The following FAM98B variants were observed in gnomAD, a reference collection of about 807,000 sequenced individuals.
FAM98B encodes the protein tRNA-splicing ligase complex subunit FAM98B.
A neutral mutation model predicts 43.9 loss-of-function variants in FAM98B; 32 were observed. The observed-to-expected ratio is 0.73, with a 90% CI of 0.55 to 0.98. The LOEUF is 0.98. Ranked by LOEUF, FAM98B falls within the 50% of genes least tolerant of loss-of-function variation. The probability of loss-of-function intolerance (pLI) is 0.00; values close to 1 mark genes in which losing one functional copy is unlikely to be tolerated. For missense variants in FAM98B, 514 were observed against 522.9 expected (o/e 0.98, Z 0.17); for synonymous variants, 190 against 174.0 (o/e 1.09, Z -0.72).
intron 1 of FAM98B, among the ~76,000 whole-genome samples, chr15:38,455,402 C>A (rs1301461141): frequency 6.6e-6 from 1 of 152,190 alleles, no homozygotes; most frequent in Non-Finnish European, 1.5e-5. Context: ...AATCCCACAC[C>A]CCACTTTATC....
Position 38,481,356 on chromosome 15 carries a change from C to T in FAM98B, c.794C>T (p.Thr265Met), listed in dbSNP as rs1890282908. ...CGTTATGCTTTGTCACCCAAGACAA[C>T]GATTACAATGGCACATCTACTTGCT... ...PKRYALSPKT[T>M]ITMAHLLAAR... Residue 265 changes from threonine (T) to methionine (M), a missense_variant, in exon 7 of 8, where the codon ACG (threonine) becomes ATG (methionine). Physicochemically the swap from Thr to Met is moderately conservative, Grantham distance 81. Around this residue, in one of 2 missense-constraint regions of FAM98B, gnomAD observed 469 missense variants for 451.8 expected, o/e 1.04. Transcript: ENST00000397609. The T allele has an allele frequency of 1.9e-6, 3 of 1,614,114 alleles. No homozygotes were observed. The highest frequency in any genetic ancestry group is 2.5e-6 in the Non-Finnish European group (3 of 1,180,014).
At chr15:38,483,327 A>G (rs1245746130) in intron 7 of FAM98B, 2 of 152,218 alleles carry the variant, frequency 1.3e-5, no homozygotes, top group South Asian at 2.1e-4. Context: ...TGAGAAAAAA[A>G]TTAAGCCTTT....
At chr15:38,469,586 C>T (rs67847582) in intron 3 of FAM98B, among the ~76,000 whole-genome samples, 30,292 of 152,000 alleles carry the variant, frequency 0.2, 3,286 homozygotes, top group Non-Finnish European at 0.24. Context: ...TTGTTCACAC[C>T]GTTCCTGGCT....
At chr15:38,465,466 G>T in intron 3 of FAM98B, 63 bp downstream of exon 3, 1 of 1,429,002 alleles carries the variant, frequency 7.0e-7, no homozygotes, top group South Asian at 1.5e-5. Context: ...TTCAAGTCAA[G>T]ATTTATTAAT....
chr15:38,474,061 A>T, intron 5 of FAM98B, 121 bp from the exon 6 acceptor site: 1 of 644,216 alleles, frequency 1.6e-6, no homozygotes. Flanking sequence ...ATGGGAACAG[A>T]AAATGGTCAG....
intron 2 of FAM98B, among the ~76,000 whole-genome samples, chr15:38,464,926 A>G (rs1890006158): frequency 1.3e-5 from 2 of 152,168 alleles, no homozygotes; most frequent in Admixed American, 1.3e-4. Context: ...ACTTGACGCA[A>G]AGTAAACTAA....
chr15:38,484,294 A>G lies in FAM98B; in HGVS notation c.937A>G (p.Asn313Asp), dbSNP rs544203250. The change falls in exon 8 of 8, where the codon AAT (asparagine) becomes GAT (aspartate). Residue 313 changes from asparagine (N) to aspartate (D), a missense_variant. By Grantham distance (23) the Asn-to-Asp change is conservative. Transcript: ENST00000397609. ...GGTGCCTGACAGGGGAGGCCGGCCG[A>G]ATGAAATTGAACCACCACCTCCAGA... ...GRVPDRGGRP[N>D]EIEPPPPEMP... The G allele has an allele frequency of 5.9e-5, 92 of 1,549,236 alleles. No individual in the cohort carries two copies. The African/African-American group carries it at 1.1e-3, about 19-fold the overall frequency.
chr15:38,479,132 A>T (rs943195915), intron 6 of FAM98B, among the ~76,000 whole-genome samples: 3 of 151,834 alleles, frequency 2.0e-5, no homozygotes, highest in Admixed American at 2.0e-4. Context: ...CTAATTAAAA[A>T]TTTTGTTTTA....
At position 38,487,255 on chromosome 15, in the gene FAM98B, A is replaced by T. The variant is rs1191258439; in HGVS notation, c.*2596A>T. On this transcript the variant is annotated 3_prime_UTR_variant, in exon 8 of 8. Transcript: ENST00000397609. ...TCAGGGAAACCTTGCCTCATTAAACAGAAAAAGGAAAACATTTTAAATAAA... is the reference window on the plus strand; with the variant it reads ...TCAGGGAAACCTTGCCTCATTAAACTGAAAAAGGAAAACATTTTAAATAAA... 2 of 152,184 alleles carry T rather than the reference A, an allele frequency of 1.3e-5. No homozygotes were observed. Among genetic ancestry groups the T allele is most frequent in the Non-Finnish European group, 2.9e-5 (2 of 67,992 alleles). The allele number at this position is 152,184 out of a possible 1,614,324, so 9.4% of individuals were successfully genotyped here. A position where few individuals can be genotyped will look rare whatever the true frequency, so the allele number is the denominator to read the frequency against.
intron 2 of FAM98B, 123 bp downstream of exon 2, chr15:38,464,300 T>A: frequency 1.1e-6 from 1 of 896,298 alleles, no homozygotes. Context: ...AGAATTTCAG[T>A]ATGTGGTAGT....
intron 6 of FAM98B, among the ~76,000 whole-genome samples, chr15:38,475,110 A>G (rs987429688): frequency 1.3e-5 from 2 of 151,464 alleles, no homozygotes; most frequent in African/African-American, 4.8e-5. Context: ...CTTCTGCCCC[A>G]TGCTGGATCA....
At chr15:38,478,925 C>G (rs751658983) in intron 6 of FAM98B, among the ~76,000 whole-genome samples, 3 of 152,032 alleles carry the variant, frequency 2.0e-5, no homozygotes, top group African/African-American at 7.2e-5. Flanking sequence ...AAAATTAACT[C>G]TTAATTTTTT....
intron 3 of FAM98B, 123 bp from the exon 4 acceptor site, chr15:38,470,104 G>T: frequency 2.5e-6 from 2 of 809,682 alleles, no homozygotes; most frequent in Non-Finnish European, 1.8e-6. Flanking sequence ...GTTGTTCTTT[G>T]GGTCTTTGTA....
At chr15:38,470,089 C>A in intron 3 of FAM98B, 138 bp from the exon 4 acceptor site, 1 of 716,530 alleles carries the variant, frequency 1.4e-6, no homozygotes, top group Non-Finnish European at 2.2e-6. Flanking sequence ...CAGTGTTCTA[C>A]AACTGTTGTT....
intron 1 of FAM98B, chr15:38,459,061 C>T: frequency 2.9e-6 from 1 of 340,740 alleles, no homozygotes; most frequent in Admixed American, 3.6e-5. Context: ...GCATACTTGG[C>T]CAGGTTGGCA....
At chr15:38,472,765 G>T (rs1403941291) in intron 4 of FAM98B, among the ~76,000 whole-genome samples, 1 of 151,888 alleles carries the variant, frequency 6.6e-6, no homozygotes, top group Non-Finnish European at 1.5e-5. Context: ...AATCTGAACT[G>T]CCCTTGGTTG....
intron 3 of FAM98B, among the ~76,000 whole-genome samples, chr15:38,465,810 A>G (rs920557578): frequency 5.3e-5 from 8 of 152,150 alleles, no homozygotes; most frequent in African/African-American, 1.9e-4. Context: ...TGCTCTGGAT[A>G]CTAGGGATAT....
chr15:38,454,405 A>G (rs1004662946), intron 1 of FAM98B, among the ~76,000 whole-genome samples, 173 bp downstream of exon 1: 1 of 151,926 alleles, frequency 6.6e-6, no homozygotes, highest in African/African-American at 2.4e-5. Flanking sequence ...AGAGAAATCT[A>G]TTTGGGGGGT....
At chr15:38,458,662 C>T (rs1889891734) in intron 1 of FAM98B, 1 of 186,748 alleles carries the variant, frequency 5.4e-6, no homozygotes, top group African/African-American at 2.4e-5. Context: ...TGAGGCCCTC[C>T]AGCTTTCACT....
Sources: allele counts gnomAD v4.1 joint callset (sites outside exome capture counted in the v4.1 genomes callset), GRCh38; gene constraint gnomAD v4.1.1; regional missense constraint gnomAD v4.1.1; transcripts MANE v1.5; gene names NCBI Gene and HGNC (gene_info 2026-07-23, HGNC 2026-07-21).